SGMS1: variants seen among roughly 807,000 people sequenced by gnomAD.
SGMS1 encodes sphingomyelin synthase 1.
In SGMS1, 13 loss-of-function variants were observed where a neutral mutation model predicts 46.2. The observed-to-expected ratio is 0.28, with a 90% CI of 0.18 to 0.45. SGMS1 has a LOEUF of 0.45. Ranked by LOEUF, SGMS1 falls within the 20% of genes least tolerant of loss-of-function variation. SGMS1 has a pLI of 1.00. For synonymous variants in SGMS1, 203 were observed against 187.8 expected (o/e 1.08, Z -0.66); for missense variants, 324 against 519.9 (o/e 0.62, Z 3.66).
chr10:50,330,615 G>C (rs1159338738), intron 7 of SGMS1, among the ~76,000 whole-genome samples: 1 of 152,228 alleles, frequency 6.6e-6, no homozygotes, highest in Non-Finnish European at 1.5e-5. Context: ...GACATACACA[G>C]CTCTTTCAGT....
At chr10:50,353,699 C>T (rs528132355) in intron 6 of SGMS1, among the ~76,000 whole-genome samples, 1 of 152,406 alleles carries the variant, frequency 6.6e-6, no homozygotes, top group African/African-American at 2.4e-5. Context: ...CCCATCGTCT[C>T]AGCCCAAAAT....
chr10:50,375,360 C>A (rs1026951235), intron 6 of SGMS1, among the ~76,000 whole-genome samples: 3 of 152,112 alleles, frequency 2.0e-5, no homozygotes, highest in Non-Finnish European at 4.4e-5. Context: ...TGGTTGAGAA[C>A]ACAGAAGGCA....
chr10:50,410,016 G>C (rs555187399), intron 6 of SGMS1, among the ~76,000 whole-genome samples: 4 of 152,076 alleles, frequency 2.6e-5, no homozygotes, highest in Non-Finnish European at 4.4e-5. Context: ...TAGTTGTTTA[G>C]TAATCTGTGC....
rs1047792210 is a variant in SGMS1, at chr10:50,306,460, G to C, written c.*682C>G. On this transcript the variant is annotated 3_prime_UTR_variant, in exon 11 of 11. Coordinates refer to ENST00000361781, the MANE Select transcript of SGMS1 (RefSeq NM_147156.4). The stretch of plus-strand genomic sequence containing the variant: ...TTTAAATTTTAACTCTCTTCTCTCT[G>C]ACATGTTAAAAATCTTTAAATTTGG... 42 of 152,602 alleles carry C rather than the reference G, an allele frequency of 2.8e-4. No individual in the cohort carries two copies. Among genetic ancestry groups the C allele is most frequent in the African/African-American group, 9.7e-4 (40 of 41,408 alleles). The allele number at this position is 152,602 out of a possible 1,614,324, so 9.5% of individuals were successfully genotyped here.
At chr10:50,373,707 T>C (rs189227878) in intron 6 of SGMS1, among the ~76,000 whole-genome samples, 1 of 152,350 alleles carries the variant, frequency 6.6e-6, no homozygotes, top group Non-Finnish European at 1.5e-5. Context: ...GCGGCAATTA[T>C]GTATTAATAC....
chr10:50,488,207 T>C (rs1373819340), intron 3 of SGMS1, among the ~76,000 whole-genome samples: 1 of 151,914 alleles, frequency 6.6e-6, no homozygotes, highest in East Asian at 1.9e-4. Context: ...AGAGACGGGT[T>C]TTCATCTTGT....
intron 8 of SGMS1, among the ~76,000 whole-genome samples, chr10:50,325,623 C>T (rs1453847474): frequency 2.6e-5 from 4 of 152,214 alleles, no homozygotes; most frequent in Admixed American, 6.5e-5. Flanking sequence ...ACCAATGGCT[C>T]ACCAAGTATG....
intron 6 of SGMS1, among the ~76,000 whole-genome samples, chr10:50,390,480 T>C (rs1848751005): frequency 6.6e-6 from 1 of 152,224 alleles, no homozygotes; most frequent in Non-Finnish European, 1.5e-5. Context: ...AGAATGTTCA[T>C]GTCAGCTGGG....
chr10:50,355,629 C>A (rs1013707647), intron 6 of SGMS1, among the ~76,000 whole-genome samples: 1 of 152,214 alleles, frequency 6.6e-6, no homozygotes, highest in African/African-American at 2.4e-5. Flanking sequence ...GCTACAACCT[C>A]CACCTCCCAG....
chr10:50,609,624 G>C (rs1050492209), intron 1 of SGMS1, among the ~76,000 whole-genome samples: 1 of 146,154 alleles, frequency 6.8e-6, no homozygotes, highest in East Asian at 2.1e-4. Context: ...CAGTTACCTA[G>C]TATTCCATTG....
chr10:50,353,142 G>C (rs1467561052), intron 6 of SGMS1, among the ~76,000 whole-genome samples: 1 of 152,224 alleles, frequency 6.6e-6, no homozygotes, highest in African/African-American at 2.4e-5. Flanking sequence ...CAAAAAAAGA[G>C]AATTTTAGAC....
At chr10:50,621,711 TA>T (rs1327576189) in intron 1 of SGMS1, among the ~76,000 whole-genome samples, 4 of 152,260 alleles carry the variant, frequency 2.6e-5, no homozygotes, top group Non-Finnish European at 5.9e-5. Flanking sequence ...AATAGCTCAC[TA>T]TCATCACTGA....
intron 3 of SGMS1, among the ~76,000 whole-genome samples, chr10:50,481,525 A>G (rs1837476949): frequency 6.6e-6 from 1 of 152,194 alleles, no homozygotes; most frequent in African/African-American, 2.4e-5. Context: ...ACAAAACCCT[A>G]TCCAAAGGTC....
At chr10:50,525,351 A>G (rs1028081426) in intron 2 of SGMS1, among the ~76,000 whole-genome samples, 1 of 152,174 alleles carries the variant, frequency 6.6e-6, no homozygotes, top group Non-Finnish European at 1.5e-5. Context: ...AGGTGGGTGT[A>G]AAGGAGGCAT....
chr10:50,307,875 T>C lies in SGMS1; in HGVS notation c.1062+107A>G, dbSNP rs1847199200. Reference sequence around the variant, plus strand: ...CAATACAATCTTAGTTGATTACTACTTAAGAAAGAGAAACTTCAGACATCC... The same window carrying C: ...CAATACAATCTTAGTTGATTACTACCTAAGAAAGAGAAACTTCAGACATCC... On this transcript the variant is annotated intron_variant, in intron 10 of 10. Coordinates refer to ENST00000361781, the MANE Select transcript of SGMS1 (RefSeq NM_147156.4). This position sits in a 1 kb window ranked among gnomAD's most constrained non-coding sequence, Gnocchi z 4.2. 9.3e-7 allele frequency: 1 copy of C among 1,070,564 alleles called. No homozygotes were observed. Among genetic ancestry groups the C allele is most frequent in the Non-Finnish European group, 1.4e-6 (1 of 719,540 alleles). 66.3% of individuals were successfully genotyped at this position (1,070,564 alleles called of 1,614,324 possible). A position where few individuals can be genotyped will look rare whatever the true frequency, so the allele number is the denominator to read the frequency against.
At chr10:50,597,763 A>G (rs1297417295) in intron 1 of SGMS1, among the ~76,000 whole-genome samples, 2 of 152,272 alleles carry the variant, frequency 1.3e-5, no homozygotes, top group East Asian at 3.9e-4. Context: ...CTGTAATCCC[A>G]GCACTTTGGG....
intron 3 of SGMS1, among the ~76,000 whole-genome samples, chr10:50,518,478 G>GT (rs1837828860): frequency 6.6e-6 from 1 of 152,202 alleles, no homozygotes; most frequent in Non-Finnish European, 1.5e-5. Context: ...CCAGGCTGGA[G>GT]TGCAATGGCA....
chr10:50,620,395 G>C (rs953858530), intron 1 of SGMS1, among the ~76,000 whole-genome samples: 1 of 152,176 alleles, frequency 6.6e-6, no homozygotes, highest in Non-Finnish European at 1.5e-5. Context: ...GACTGTTATG[G>C]CTATAGCTAC....
chr10:50,407,117 C>T (rs1849025925), intron 6 of SGMS1, among the ~76,000 whole-genome samples: 1 of 152,192 alleles, frequency 6.6e-6, no homozygotes, highest in Admixed American at 6.5e-5. Flanking sequence ...AGTAGCATTT[C>T]TGCAGTAGGC....
Sources: allele counts gnomAD v4.1 joint callset (sites outside exome capture counted in the v4.1 genomes callset), GRCh38; gene constraint gnomAD v4.1.1; non-coding constraint Gnocchi (gnomAD v3.1); transcripts MANE v1.5; gene names NCBI Gene and HGNC (gene_info 2026-07-23, HGNC 2026-07-21).